FER1L5: variants seen among roughly 807,000 people sequenced by gnomAD.
FER1L5 encodes the protein fer-1-like protein 5.
Under a neutral mutation model 279.9 loss-of-function variants are expected in FER1L5, and 187 were observed. The ratio of observed to expected loss-of-function variants is 0.67; its 90% CI spans 0.59 to 0.75. The LOEUF is 0.75. FER1L5 is among the 30% of genes least tolerant of loss of function. FER1L5 has a pLI of 0.00. For missense variants in FER1L5, 2,091 were observed against 2,594.4 expected (o/e 0.81, Z 4.21); for synonymous variants, 921 against 989.7 (o/e 0.93, Z 1.30).
intron 9 of FER1L5, among the ~76,000 whole-genome samples, chr2:96,657,543 G>C (rs1447715579): frequency 6.6e-6 from 1 of 152,088 alleles, no homozygotes; most frequent in Non-Finnish European, 1.5e-5. Context: ...TCCAAAAGTT[G>C]TCTGATGGAC....
chr2:96,689,346 A>G lies in FER1L5; in HGVS notation c.2495A>G (p.Gln832Arg). 1 of 1,550,690 alleles carries G rather than the reference A, an allele frequency of 6.4e-7. No homozygotes were observed. The highest frequency in any genetic ancestry group is 8.7e-7 in the Non-Finnish European group (1 of 1,146,758). The change falls in exon 25 of 53, where the codon CAG becomes CGG. Residue 832 changes from glutamine to arginine, a missense_variant. Gln to Arg is a conservative substitution (Grantham distance 43, BLOSUM62 1). Coordinates refer to ENST00000624922, the MANE Select transcript of FER1L5 (RefSeq NM_001293083.2). This position sits in a 1 kb window ranked among gnomAD's most constrained non-coding sequence, Gnocchi z 4.6. ...DFQPPLGWHW[Q>R]DSWTVEPQRR... Reference sequence around the variant, plus strand: ...CAACCACCCCTGGGATGGCACTGGCAGGACAGCTGGACAGTGGAACCTCAG... The same window carrying G: ...CAACCACCCCTGGGATGGCACTGGCGGGACAGCTGGACAGTGGAACCTCAG...
In FER1L5 at chr2:96,689,432, G is replaced by C. The variant is rs2077056257; in HGVS notation, c.2525+56G>C. On this transcript the variant is annotated intron_variant, in intron 25 of 52. Transcript: ENST00000624922. This position sits in a 1 kb window ranked among gnomAD's most constrained non-coding sequence, Gnocchi z 4.6. ...GGGGACACTTCACCTGGGAGGGCCA[G>C]TCCGCGGCAGCCCAGAAAGATGGGT... 1 of 1,535,506 alleles carries C rather than the reference G, an allele frequency of 6.5e-7. No homozygotes were observed. Among genetic ancestry groups the C allele is most frequent in the African/African-American group, 1.4e-5 (1 of 72,052 alleles).
chr2:96,698,645 G>T lies in FER1L5; in HGVS notation c.4357-26G>T. ...AGAGCTGGCCAGCACTGCCAGGCTG[G>T]GCCCCCAACACCCTCCCCCCGCCAG... On this transcript the variant is annotated intron_variant, in intron 40 of 52. Coordinates refer to ENST00000624922, the MANE Select transcript of FER1L5 (RefSeq NM_001293083.2). The surrounding 1 kb of genome is among the most constrained non-coding windows in gnomAD (Gnocchi z 5.5). 6.4e-7 allele frequency: 1 copy of T among 1,563,754 alleles called. No homozygotes were observed. The highest frequency in any genetic ancestry group is 8.7e-7 in the Non-Finnish European group (1 of 1,152,370).
At chr2:96,647,200 A>C (rs1189846309) in intron 3 of FER1L5, 45 bp downstream of exon 3, 10 of 1,528,710 alleles carry the variant, frequency 6.5e-6, no homozygotes, top group Middle Eastern at 3.4e-4. Context: ...TGACCAACGC[A>C]GCAGCAAGTT....
At position 96,695,523 on chromosome 2, in the gene FER1L5, C is replaced by T. The variant is rs764584232; in HGVS notation, c.3756C>T (p.Gly1252=). 6.3e-7 allele frequency: 1 copy of T among 1,590,852 alleles called. No individual in the cohort carries two copies. The change falls in exon 35 of 53, where the codon GGC becomes GGT. Residue 1252 remains glycine (G), a synonymous_variant. Transcript: ENST00000624922. ...KRMAIEILAW[G]LRNMKKASSP... The stretch of plus-strand genomic sequence containing the variant: ...TGTTCTGGTAGATCCTGGCCTGGGG[C>T]CTTCGGAACATGAAGAAGGCGAGCT...
At chr2:96,696,738 T>C (rs1204898613) in intron 37 of FER1L5, among the ~76,000 whole-genome samples, 2 of 151,920 alleles carry the variant, frequency 1.3e-5, no homozygotes, top group East Asian at 3.9e-4. Flanking sequence ...CCATCTCTAC[T>C]AAAAATACAA....
At position 96,695,593 on chromosome 2, in the gene FER1L5, G is replaced by A. The variant is rs375375643; in HGVS notation, c.3826G>A (p.Glu1276Lys). ...VEFGEESLRT[E>K]PIRDFQTNPN... is the part of the protein sequence containing the mutation. ...ATTCGGGGAAGAGTCCCTGAGGACA[G>A]AACCCATCAGGGACTTTCAGACCAA... The change falls in exon 35 of 53, where the codon GAA becomes AAA. Residue 1276 changes from glutamate (E) to lysine (K), a missense_variant. Transcript: ENST00000624922. The A allele has an allele frequency of 7.5e-6, 12 of 1,599,792 alleles. No homozygotes were observed. Among genetic ancestry groups the A allele is most frequent in the Non-Finnish European group, 1.0e-5 (12 of 1,173,564 alleles).
chr2:96,690,970 G>C (rs1473395317), intron 27 of FER1L5, among the ~76,000 whole-genome samples: 2 of 152,254 alleles, frequency 1.3e-5, no homozygotes, highest in African/African-American at 4.8e-5. Flanking sequence ...GCGAGTCACA[G>C]GACTTCTCTG....
At position 96,689,600 on chromosome 2, in the gene FER1L5, G is replaced by A; in HGVS notation, c.2526-44G>A. ...CCAGCAGAAGACGGCCCTAGGGGCT[G>A]CTTGGGGAGTTGTGCTGGGAACTTG... On this transcript the variant is annotated intron_variant, in intron 25 of 52. Coordinates refer to ENST00000624922, the MANE Select transcript of FER1L5 (RefSeq NM_001293083.2). This position sits in a 1 kb window ranked among gnomAD's most constrained non-coding sequence, Gnocchi z 4.6. The A allele has an allele frequency of 6.6e-7, 1 of 1,524,402 alleles. No homozygotes were observed. Among genetic ancestry groups the A allele is most frequent in the Non-Finnish European group, 8.9e-7 (1 of 1,123,056 alleles). 94.4% of individuals were successfully genotyped at this position (1,524,402 alleles called of 1,614,324 possible). A position where few individuals can be genotyped will look rare whatever the true frequency, so the allele number is the denominator to read the frequency against.
Position 96,701,989 on chromosome 2 carries a change from A to G in FER1L5, c.5105A>G (p.Lys1702Arg), listed in dbSNP as rs376275009. 6.2e-6 allele frequency: 10 copies of G among 1,613,878 alleles called. No homozygotes were observed. Among genetic ancestry groups the G allele is most frequent in the Non-Finnish European group, 8.5e-6 (10 of 1,179,896 alleles). Residue 1702 changes from lysine (K) to arginine (R), a missense_variant, in exon 46 of 53, where the codon AAG (lysine) becomes AGG (arginine). Physicochemically the swap from Lys to Arg is conservative, Grantham distance 26. Coordinates refer to ENST00000624922, the MANE Select transcript of FER1L5 (RefSeq NM_001293083.2). Reference protein sequence around the residue: ...KVQMWVDIFPKKLGPPGPQVN... With the variant: ...KVQMWVDIFPRKLGPPGPQVN... ...CAAATGTGGGTGGACATCTTCCCCA[A>G]GAAGCTGGGGCCTCCTGGCCCCCAA...
At chr2:96,655,665 A>T (rs756771250) in intron 9 of FER1L5, among the ~76,000 whole-genome samples, 3 of 152,208 alleles carry the variant, frequency 2.0e-5, no homozygotes, top group Non-Finnish European at 2.9e-5. Context: ...GTGACCAATG[A>T]CATAAGCTAA....
Position 96,650,170 on chromosome 2 carries a change from G to A in FER1L5, c.395-10G>A. The A allele has an allele frequency of 6.4e-7, 1 of 1,550,768 alleles. No individual in the cohort carries two copies. Among genetic ancestry groups the A allele is most frequent in the Admixed American group, 2.0e-5 (1 of 50,994 alleles). The stretch of plus-strand genomic sequence containing the variant: ...GGCCTCTGACCCCACCCTGCACTGT[G>A]TCTCCCCAGGAGCTGAAGACCACCT... On this transcript the variant is annotated splice_polypyrimidine_tract_variant and intron_variant, in intron 5 of 52. Transcript: ENST00000624922.
chr2:96,655,886 ATT>A (rs930214828), intron 9 of FER1L5, among the ~76,000 whole-genome samples: 2 of 151,910 alleles, frequency 1.3e-5, no homozygotes, highest in African/African-American at 4.8e-5. Flanking sequence ...ATTTTTAAAA[ATT>A]TTTTGTAGCG....
rs1330850388 is a variant in FER1L5 at position 96,702,772 on chromosome 2, G to T, written c.5397+31G>T. 2.5e-6 allele frequency: 4 copies of T among 1,609,578 alleles called. No individual in the cohort carries two copies. The highest frequency in any genetic ancestry group is 1.7e-4 in the Middle Eastern group (1 of 6,056). On this transcript the variant is annotated intron_variant, in intron 48 of 52. Coordinates refer to ENST00000624922, the MANE Select transcript of FER1L5 (RefSeq NM_001293083.2). This position sits in a 1 kb window ranked among gnomAD's most constrained non-coding sequence, Gnocchi z 4.0. The stretch of plus-strand genomic sequence containing the variant: ...AGGCCTGGGGCGTGAGGGGCAACAG[G>T]CCACAACAAACAGACCCAGGCTCCT...
chr2:96,654,327 A>T (rs1021164003), intron 8 of FER1L5, 119 bp from the exon 9 acceptor site: 1 of 394,030 alleles, frequency 2.5e-6, no homozygotes, highest in South Asian at 1.4e-4. Context: ...TGTCTGCCCC[A>T]TTAGGAAGCA....
chr2:96,680,980 T>G (rs186140113), intron 19 of FER1L5, among the ~76,000 whole-genome samples: 1 of 152,238 alleles, frequency 6.6e-6, no homozygotes, highest in East Asian at 1.9e-4. Flanking sequence ...GGCCTCAGCC[T>G]CCCAAAGCAT....
chr2:96,702,914 T>C lies in FER1L5; in HGVS notation c.5398-64T>C, dbSNP rs1573981048. On this transcript the variant is annotated intron_variant, in intron 48 of 52. Transcript: ENST00000624922. The surrounding 1 kb of genome is among the most constrained non-coding windows in gnomAD (Gnocchi z 4.0). ...CTATCACTGCTGGGTGGAGGGCCAC[T>C]GAGGGGTGCAAGGGAAACGTCCAGG... is the stretch of plus-strand genomic sequence containing the variant. 3 of 1,554,402 alleles carry C rather than the reference T, an allele frequency of 1.9e-6. No homozygotes were observed. Among genetic ancestry groups the C allele is most frequent in the East Asian group, 2.4e-5 (1 of 41,850 alleles).
intron 31 of FER1L5, 124 bp downstream of exon 31, chr2:96,692,305 C>G: frequency 2.0e-6 from 2 of 1,021,480 alleles, no homozygotes; most frequent in Admixed American, 2.1e-5. Context: ...TGCCTGTCGG[C>G]CCCTCACCAG....
chr2:96,664,556 T>C (rs915141707), intron 14 of FER1L5, among the ~76,000 whole-genome samples: 3 of 152,264 alleles, frequency 2.0e-5, no homozygotes, highest in African/African-American at 7.2e-5. Context: ...TAATATTCCA[T>C]TGTATGGATG....
Sources: gnomAD v4.1 joint callset for allele counts (sites outside exome capture counted in the v4.1 genomes callset) on GRCh38, gnomAD v4.1.1 for gene constraint, Gnocchi (gnomAD v3.1) non-coding constraint, MANE v1.5 for transcripts, NCBI Gene and HGNC (gene_info 2026-07-23, HGNC 2026-07-21) for gene names.